The following XKR6 variants were observed in gnomAD, a reference collection of about 807,000 sequenced individuals.
The protein encoded by XKR6 is XK related 6, also known as XK-related protein 6.
A neutral mutation model predicts 56.7 loss-of-function variants in XKR6; 22 were observed. That is an observed-to-expected ratio of 0.39 (90% confidence interval 0.28 to 0.55). XKR6 has a LOEUF of 0.55. Ranked by LOEUF, XKR6 falls within the 20% of genes least tolerant of loss-of-function variation. XKR6 has a pLI of 0.66. For synonymous variants in XKR6, 524 were observed against 387.8 expected (o/e 1.35, Z -4.13); for missense variants, 852 against 889.0 (o/e 0.96, Z 0.53).
chr8:11,175,825 C>T (rs1408260521), intron 1 of XKR6, among the ~76,000 whole-genome samples: 7 of 152,140 alleles, frequency 4.6e-5, no homozygotes, highest in Non-Finnish European at 4.4e-5. Flanking sequence ...CACATCCGTC[C>T]GTCAACAGTC....
At chr8:11,008,343 A>G (rs1798420412) in intron 1 of XKR6, among the ~76,000 whole-genome samples, 1 of 151,848 alleles carries the variant, frequency 6.6e-6, no homozygotes, top group African/African-American at 2.4e-5. Flanking sequence ...TCCACAGACT[A>G]CAGCCAGGCC....
intron 1 of XKR6, among the ~76,000 whole-genome samples, chr8:11,065,447 T>A (rs1799950750): frequency 6.6e-6 from 1 of 152,246 alleles, no homozygotes; most frequent in Non-Finnish European, 1.5e-5. Flanking sequence ...AGGACATTAC[T>A]TTATCCTTGG....
chr8:11,173,956 G>A (rs945047637), intron 1 of XKR6, among the ~76,000 whole-genome samples: 6 of 152,146 alleles, frequency 3.9e-5, no homozygotes, highest in South Asian at 4.1e-4. Flanking sequence ...GGTTACCCTC[G>A]GGTGCTTTGG....
chr8:11,132,259 AG>A (rs1800140045), intron 1 of XKR6, among the ~76,000 whole-genome samples: 1 of 152,168 alleles, frequency 6.6e-6, no homozygotes, highest in Admixed American at 6.5e-5. Context: ...TCACAGTCAC[AG>A]GTGGTACTTA....
intron 1 of XKR6, among the ~76,000 whole-genome samples, chr8:10,934,864 T>C (rs542382309): frequency 1.5e-4 from 22 of 146,292 alleles, no homozygotes; most frequent in African/African-American, 5.5e-4. Flanking sequence ...AATTCTCTTT[T>C]TTCGTTGTGT....
At chr8:11,164,939 C>A (rs1801995003) in intron 1 of XKR6, among the ~76,000 whole-genome samples, 1 of 152,110 alleles carries the variant, frequency 6.6e-6, no homozygotes, top group Non-Finnish European at 1.5e-5. Context: ...TCCCACTTCA[C>A]CTTACTAATA....
chr8:11,062,778 T>A, intron 1 of XKR6: 1 of 456,316 alleles, frequency 2.2e-6, no homozygotes, highest in Non-Finnish European at 4.4e-6. Flanking sequence ...TTCTCTCTTT[T>A]CCCTGGGCAC....
intron 1 of XKR6, among the ~76,000 whole-genome samples, chr8:11,053,135 A>G (rs1384757300): frequency 1.3e-5 from 2 of 152,200 alleles, no homozygotes; most frequent in East Asian, 3.9e-4. Context: ...CCCCGCAGAC[A>G]CTGCGCAGGA....
intron 1 of XKR6, among the ~76,000 whole-genome samples, chr8:10,957,555 T>G (rs754521990): frequency 1.5e-4 from 23 of 152,114 alleles, no homozygotes; most frequent in Admixed American, 5.9e-4. Flanking sequence ...AGGAGACAGA[T>G]AGGCAGACCC....
At chr8:11,082,336 T>C (rs926944105) in intron 1 of XKR6, among the ~76,000 whole-genome samples, 4 of 152,204 alleles carry the variant, frequency 2.6e-5, no homozygotes, top group African/African-American at 7.2e-5. Flanking sequence ...GTTACGAATG[T>C]GGGAGCAAGA....
At chr8:10,976,488 TC>T (rs1287669855) in intron 1 of XKR6, among the ~76,000 whole-genome samples, 2 of 152,088 alleles carry the variant, frequency 1.3e-5, no homozygotes, top group Non-Finnish European at 2.9e-5. Flanking sequence ...CAGGTGCCTG[TC>T]CCTCTGCGCC....
chr8:11,006,687 G>A (rs1798376698), intron 1 of XKR6, among the ~76,000 whole-genome samples: 1 of 152,168 alleles, frequency 6.6e-6, no homozygotes, highest in Non-Finnish European at 1.5e-5. Context: ...CAAAGGCTCA[G>A]AGGACCCAGA....
At chr8:11,041,883 A>G (rs1404764148) in intron 1 of XKR6, among the ~76,000 whole-genome samples, 1 of 152,238 alleles carries the variant, frequency 6.6e-6, no homozygotes, top group Non-Finnish European at 1.5e-5. Context: ...ATACACACAC[A>G]CATACATATA....
chr8:11,134,061 G>A (rs1354272594), intron 1 of XKR6, among the ~76,000 whole-genome samples: 1 of 152,130 alleles, frequency 6.6e-6, no homozygotes, highest in African/African-American at 2.4e-5. Context: ...ACGTGCTGCT[G>A]TTCTATATAA....
intron 1 of XKR6, among the ~76,000 whole-genome samples, chr8:11,089,999 CA>C (rs1798013524): frequency 6.6e-6 from 1 of 152,158 alleles, no homozygotes. Flanking sequence ...CTTTTTTTCA[CA>C]TTTATCCATG....
At chr8:11,048,487 C>A (rs1358967949) in intron 1 of XKR6, among the ~76,000 whole-genome samples, 2 of 152,258 alleles carry the variant, frequency 1.3e-5, no homozygotes, top group South Asian at 4.2e-4. Flanking sequence ...TATAGCAATA[C>A]CAGACAGCAA....
intron 1 of XKR6, among the ~76,000 whole-genome samples, chr8:10,954,464 T>C (rs185295820): frequency 6.6e-6 from 1 of 152,384 alleles, no homozygotes; most frequent in Admixed American, 6.5e-5. Flanking sequence ...ATATCTCCTT[T>C]GAAGAAATGT....
chr8:11,143,046 T>C (rs929932196), intron 1 of XKR6, among the ~76,000 whole-genome samples: 1 of 152,130 alleles, frequency 6.6e-6, no homozygotes, highest in African/African-American at 2.4e-5. Context: ...AACAACCAAA[T>C]AGATAAGGAG....
At chr8:11,126,569 G>C (rs1024605359) in intron 1 of XKR6, among the ~76,000 whole-genome samples, 3 of 151,984 alleles carry the variant, frequency 2.0e-5, no homozygotes, top group African/African-American at 7.3e-5. Flanking sequence ...TGCAACGCAG[G>C]GCCATGTCAC....
Sources: allele counts gnomAD v4.1 joint callset (sites outside exome capture counted in the v4.1 genomes callset), GRCh38; gene constraint gnomAD v4.1.1; transcripts MANE v1.5; gene names NCBI Gene and HGNC (gene_info 2026-07-23, HGNC 2026-07-21).